The following MSRB2 variants were observed in gnomAD, a reference collection of about 807,000 sequenced individuals.
MSRB2 encodes the protein methionine-R-sulfoxide reductase B2, mitochondrial.
Under a neutral mutation model 19.0 loss-of-function variants are expected in MSRB2, and 17 were observed. The ratio of observed to expected loss-of-function variants is 0.89; its 90% confidence interval spans 0.61 to 1.34. The LOEUF (loss-of-function observed/expected upper bound fraction) is 1.34. Among genes scored for constraint, MSRB2 ranks in the 40% most tolerant of loss-of-function variants. The probability of loss-of-function intolerance (pLI) is 0.00; values close to 1 mark genes in which losing one functional copy is unlikely to be tolerated. For synonymous variants in MSRB2, 107 were observed against 99.7 expected (o/e 1.07, Z -0.44); for missense variants, 208 against 237.6 (o/e 0.88, Z 0.82).
At chr10:23,097,747 G>T (rs960834716) in intron 1 of MSRB2, among the ~76,000 whole-genome samples, 6 of 152,112 alleles carry the variant, frequency 3.9e-5, no homozygotes, top group African/African-American at 9.7e-5. Flanking sequence ...TTGTTGTAAA[G>T]AATAACTTTT....
chr10:23,119,390 G>A lies in MSRB2; in HGVS notation c.383G>A (p.Gly128Glu). 6.2e-7 allele frequency: 1 copy of A among 1,614,086 alleles called. No individual in the cohort carries two copies. The highest frequency in any genetic ancestry group is 8.5e-7 in the Non-Finnish European group (1 of 1,180,008). The change falls in exon 4 of 5, where the codon GGG (glycine) becomes GAG (glutamate). Residue 128 changes from glycine (G) to glutamate (E), a missense_variant. Transcript: ENST00000376510. ...TCTGGCTCTGATGAAAGCCACACAGGGATCCTGAGACGTCTGGATACCTCG... is the reference window on the plus strand; with the variant it reads ...TCTGGCTCTGATGAAAGCCACACAGAGATCCTGAGACGTCTGGATACCTCG... ...GTSGSDESHT[G>E]ILRRLDTSLG...
At chr10:23,105,160 A>G (rs1022159637) in intron 2 of MSRB2, among the ~76,000 whole-genome samples, 2 of 151,750 alleles carry the variant, frequency 1.3e-5, no homozygotes, top group African/African-American at 4.8e-5. Flanking sequence ...GTGGTTCTTC[A>G]TTATAACACC....
At chr10:23,105,212 C>CTGTGTG (rs36039793) in intron 2 of MSRB2, among the ~76,000 whole-genome samples, 1,935 of 147,158 alleles carry the variant, frequency 0.013, 22 homozygotes, top group South Asian at 0.02. Context: ...CTCTGTGTGT[C>CTGTGTG]TGTGTGTGTG....
chr10:23,101,160 C>T (rs1458748008), intron 1 of MSRB2, among the ~76,000 whole-genome samples: 1 of 152,172 alleles, frequency 6.6e-6, no homozygotes, highest in African/African-American at 2.4e-5. Context: ...TCATCCCCCT[C>T]ACACCCTTTC....
intron 1 of MSRB2, among the ~76,000 whole-genome samples, chr10:23,096,316 CA>C (rs1399571606): frequency 6.7e-6 from 1 of 149,560 alleles, no homozygotes; most frequent in Admixed American, 6.7e-5. Context: ...AGACAGAGAC[CA>C]GGGCGAGCCT....
intron 2 of MSRB2, among the ~76,000 whole-genome samples, chr10:23,105,362 C>T (rs1839977411): frequency 6.6e-6 from 1 of 152,044 alleles, no homozygotes; most frequent in Non-Finnish European, 1.5e-5. Flanking sequence ...AAGTGTCATC[C>T]TCCTACTCTG....
intron 3 of MSRB2, among the ~76,000 whole-genome samples, chr10:23,111,979 AT>A (rs1446796451): frequency 6.6e-6 from 1 of 152,172 alleles, no homozygotes; most frequent in Non-Finnish European, 1.5e-5. Context: ...AAAAGGCCAC[AT>A]GTGGCCAGAG....
At chr10:23,097,269 AGT>A (rs1477146734) in intron 1 of MSRB2, among the ~76,000 whole-genome samples, 3 of 152,338 alleles carry the variant, frequency 2.0e-5, no homozygotes, top group African/African-American at 7.2e-5. Flanking sequence ...GCAGATTTTG[AGT>A]CTTGGCTCTC....
chr10:23,110,848 C>A (rs892232300), intron 3 of MSRB2, among the ~76,000 whole-genome samples: 1 of 152,050 alleles, frequency 6.6e-6, no homozygotes, highest in Non-Finnish European at 1.5e-5. Context: ...GATTTCAAAG[C>A]CTCTTTTAAG....
intron 1 of MSRB2, among the ~76,000 whole-genome samples, chr10:23,097,278 T>G (rs1410299640): frequency 6.6e-6 from 1 of 152,240 alleles, no homozygotes; most frequent in Admixed American, 6.5e-5. Flanking sequence ...GAGTCTTGGC[T>G]CTCGGTTACT....
intron 2 of MSRB2, among the ~76,000 whole-genome samples, chr10:23,109,640 CT>C (rs1182887179): frequency 6.6e-6 from 1 of 152,138 alleles, no homozygotes; most frequent in African/African-American, 2.4e-5. Flanking sequence ...CAGAATACCT[CT>C]GAAAACTTGC....
At chr10:23,106,930 T>C (rs1266516507) in intron 2 of MSRB2, among the ~76,000 whole-genome samples, 1 of 152,212 alleles carries the variant, frequency 6.6e-6, no homozygotes, top group African/African-American at 2.4e-5. Flanking sequence ...CAAGATGGAA[T>C]GGTGAACTGC....
chr10:23,110,244 T>C lies in MSRB2; in HGVS notation c.222T>C (p.Pro74=), dbSNP rs1374798299. 6.2e-7 allele frequency: 1 copy of C among 1,612,934 alleles called. No homozygotes were observed. The highest frequency in any genetic ancestry group is 1.1e-5 in the South Asian group (1 of 90,938). ...YVTREKGTEP[P]FSGIYLNNKE... Reference sequence around the variant, plus strand: ...TGACATATCTAATTTACTTTCAGCCTTTCAGTGGGATCTACCTGAATAACA... The same window carrying C: ...TGACATATCTAATTTACTTTCAGCCCTTCAGTGGGATCTACCTGAATAACA... The change falls in exon 3 of 5, where the codon CCT becomes CCC. Residue 74 remains proline, a splice_region_variant and synonymous_variant. Transcript: ENST00000376510.
chr10:23,098,897 TGGA>T (rs1839896328), intron 1 of MSRB2, among the ~76,000 whole-genome samples: 2 of 152,248 alleles, frequency 1.3e-5, no homozygotes, highest in Non-Finnish European at 2.9e-5. Flanking sequence ...CATACGGTTC[TGGA>T]GGCTGGAAGT....
At position 23,121,759 on chromosome 10, in the gene MSRB2, A is replaced by G. The variant is rs1167652046; in HGVS notation, c.*897A>G. 1 of 152,276 alleles carries G rather than the reference A, an allele frequency of 6.6e-6. No individual in the cohort carries two copies. Among genetic ancestry groups the G allele is most frequent in the Non-Finnish European group, 1.5e-5 (1 of 68,060 alleles). The allele number at this position is 152,276 out of a possible 1,614,324, so 9.4% of individuals were successfully genotyped here. On this transcript the variant is annotated 3_prime_UTR_variant, in exon 5 of 5. Transcript: ENST00000376510. Reference sequence around the variant, plus strand: ...GGAAAATACAGGATCCAAGGAATCAACAATGCTAGCACTGAAGAGCAGGAT... The same window carrying G: ...GGAAAATACAGGATCCAAGGAATCAGCAATGCTAGCACTGAAGAGCAGGAT...
chr10:23,119,254 G>A (rs1446844716), intron 3 of MSRB2, 50 bp from the exon 4 acceptor site: 21 of 1,603,830 alleles, frequency 1.3e-5, no homozygotes, highest in Non-Finnish European at 1.8e-5. Context: ...CTCTTGGCAT[G>A]TTAATGACAG....
intron 1 of MSRB2, among the ~76,000 whole-genome samples, chr10:23,096,352 C>CTCTGTGTG (rs144653384): frequency 4.9e-5 from 7 of 142,748 alleles, no homozygotes; most frequent in Non-Finnish European, 7.5e-5. Flanking sequence ...CTCTCTCTCT[C>CTCTGTGTG]TGTGTGTGTG....
chr10:23,121,907 T>C lies in MSRB2; in HGVS notation c.*1045T>C, dbSNP rs898843657. ...CATTCTACCCACAAATAAACTGCAA[T>C]AGGACTTGGTTAGATTTCAATGATT... On this transcript the variant is annotated 3_prime_UTR_variant, in exon 5 of 5. Transcript: ENST00000376510. 1 of 152,138 alleles carries C rather than the reference T, an allele frequency of 6.6e-6. No homozygotes were observed. Among genetic ancestry groups the C allele is most frequent in the Non-Finnish European group, 1.5e-5 (1 of 68,034 alleles). The allele number at this position is 152,138 out of a possible 1,614,324, so 9.4% of individuals were successfully genotyped here.
At chr10:23,115,292 T>C (rs1277854884) in intron 3 of MSRB2, among the ~76,000 whole-genome samples, 1 of 152,212 alleles carries the variant, frequency 6.6e-6, no homozygotes, top group Non-Finnish European at 1.5e-5. Flanking sequence ...CATGAGCCTA[T>C]TTGGAATGTG....
Sources: allele counts gnomAD v4.1 joint callset (sites outside exome capture counted in the v4.1 genomes callset), GRCh38; gene constraint gnomAD v4.1.1; transcripts MANE v1.5; gene names NCBI Gene and HGNC (gene_info 2026-07-23, HGNC 2026-07-21).